Variants in SP6 observed in about 807,000 individuals in gnomAD.
The protein encoded by SP6 is Sp6 transcription factor.
Under a neutral mutation model 23.4 loss-of-function variants are expected in SP6, and 10 were observed. The ratio of observed to expected loss-of-function variants is 0.43; its 90% confidence interval spans 0.26 to 0.72. The LOEUF (loss-of-function observed/expected upper bound fraction) is 0.72, where lower values mean the gene tolerates loss of function less well. Among genes scored for constraint, SP6 ranks in the 30% least tolerant of loss-of-function variants. The pLI, the probability that SP6 is intolerant of heterozygous loss-of-function variation, is 0.23. For missense variants in SP6, 482 were observed against 523.8 expected (o/e 0.92, Z 0.78); for synonymous variants, 238 against 238.7 (o/e 1.00, Z 0.03).
At chr17:47,874,631 C>T in the SP6 span, among the ~76,000 whole-genome samples, 1 of 152,162 alleles carries the variant, frequency 6.6e-6, no homozygotes, top group Non-Finnish European at 1.5e-5. Context: ...TTCTCTCCAT[C>T]TAGGAAGGGC....
At chr17:47,866,056 C>G in the SP6 span, among the ~76,000 whole-genome samples, 94 of 152,216 alleles carry the variant, frequency 6.2e-4, 2 homozygotes, top group East Asian at 0.015. Flanking sequence ...TCATCATCTC[C>G]CCTGATAATT....
the SP6 span, among the ~76,000 whole-genome samples, chr17:47,861,125 A>C: frequency 1.3e-5 from 2 of 151,986 alleles, no homozygotes; most frequent in African/African-American, 2.4e-5. Context: ...TCCCCTTTTT[A>C]ATTTGCTTCC....
chr17:47,847,587 G>T lies in SP6; in HGVS notation c.843C>A (p.Asp281Glu). Residue 281 changes from aspartate to glutamate, a missense_variant, in exon 2 of 2, where the codon GAC becomes GAA. Transcript: ENST00000536300. ...AGAGCCAGTTGCACACGAAGGGACG[G>T]TCGCCGCTGTGCCAGCGCAGGTGCG... ...LKAHLRWHSG[D>E]RPFVCNWLFC... 2.5e-6 allele frequency: 4 copies of T among 1,613,660 alleles called. No homozygotes were observed. Among genetic ancestry groups the T allele is most frequent in the Non-Finnish European group, 3.4e-6 (4 of 1,179,964 alleles).
upstream of SP6, among the ~76,000 whole-genome samples, chr17:47,855,182 T>C (rs921882567): frequency 6.6e-6 from 1 of 152,190 alleles, no homozygotes; most frequent in Non-Finnish European, 1.5e-5. Context: ...ATAGTGCATC[T>C]GTATGTCGGT....
the SP6 span, among the ~76,000 whole-genome samples, chr17:47,873,101 GAATTCACAC>G: frequency 3.9e-5 from 6 of 152,160 alleles, no homozygotes; most frequent in African/African-American, 1.4e-4. Context: ...CCTAGACCTG[GAATTCACAC>G]AATTGCTATG....
chr17:47,860,710 A>C (rs1435797489), upstream of SP6, among the ~76,000 whole-genome samples: 1 of 146,338 alleles, frequency 6.8e-6, no homozygotes. Context: ...CAAAAAAAAA[A>C]AAAAAGTTAA....
the SP6 span, among the ~76,000 whole-genome samples, chr17:47,868,235 C>G: frequency 6.6e-6 from 1 of 152,232 alleles, no homozygotes; most frequent in Non-Finnish European, 1.5e-5. Context: ...CTCACACACT[C>G]TCCACTCCCA....
At chr17:47,871,316 G>C in the SP6 span, among the ~76,000 whole-genome samples, 1 of 152,208 alleles carries the variant, frequency 6.6e-6, no homozygotes, top group Non-Finnish European at 1.5e-5. Context: ...ATATGTGACT[G>C]TCTGTTCATA....
chr17:47,847,949 G>C lies in SP6; in HGVS notation c.481C>G (p.Leu161Val), dbSNP rs921730284. The change falls in exon 2 of 2, where the codon CTT (leucine) becomes GTT (valine). Residue 161 changes from leucine (L) to valine (V), a missense_variant. Coordinates refer to ENST00000536300, the MANE Select transcript of SP6 (RefSeq NM_001258248.2). ...GLGGYVGDHQ[L>V]CAPPPHPHAH... is the part of the protein sequence containing the mutation. ...TGCGGGTGGGGTGGCGGGGCACAAA[G>C]CTGGTGGTCTCCGACGTAGCCCCCC... 6.4e-7 allele frequency: 1 copy of C among 1,571,778 alleles called. No homozygotes were observed. Among genetic ancestry groups the C allele is most frequent in the South Asian group, 1.2e-5 (1 of 86,584 alleles).
rs904768384 is a variant in SP6, at chr17:47,848,355, G to A, written c.75C>T (p.Asp25=). Residue 25 remains aspartate, a synonymous_variant, in exon 2 of 2, where the codon GAC becomes GAT. Transcript: ENST00000536300. This position sits in a 1 kb window ranked among gnomAD's most constrained non-coding sequence, Gnocchi z 5.3. ...CCTGGTAAGTTTGGAGAGGCTGCAG[G>A]TCGAGGCGCGGCGGGGAGGCGTGCG... is the stretch of plus-strand genomic sequence containing the variant. ...EAPHASPPRL[D]LQPLQTYQGH... is the part of the protein sequence containing the mutation. 4.4e-6 allele frequency: 7 copies of A among 1,598,296 alleles called. No individual in the cohort carries two copies. The highest frequency in any genetic ancestry group is 1.8e-4 in the Middle Eastern group (1 of 5,528).
rs1457217806 is a variant in SP6 at position 47,848,563 on chromosome 17, G to C, written c.-57-77C>G. 1.3e-6 allele frequency: 1 copy of C among 787,814 alleles called. No homozygotes were observed. The highest frequency in any genetic ancestry group is 1.8e-5 in the African/African-American group (1 of 56,816). 48.8% of individuals were successfully genotyped at this position (787,814 alleles called of 1,614,324 possible). A position where few individuals can be genotyped will look rare whatever the true frequency, so the allele number is the denominator to read the frequency against. On this transcript the variant is annotated intron_variant, in intron 1 of 1. Coordinates refer to ENST00000536300, the MANE Select transcript of SP6 (RefSeq NM_001258248.2). This position sits in a 1 kb window ranked among gnomAD's most constrained non-coding sequence, Gnocchi z 5.3. The stretch of plus-strand genomic sequence containing the variant: ...CCTCCTAACCCAGGTCCTCCTCTCT[G>C]GCCCCAGGTGTAAAAGAAGGATGCA...
chr17:47,869,079 G>A, the SP6 span, among the ~76,000 whole-genome samples: 1 of 152,314 alleles, frequency 6.6e-6, no homozygotes, highest in East Asian at 1.9e-4. Context: ...TCTTGGCCCT[G>A]GGCTCCCTGC....
At chr17:47,849,565 A>G (rs2033934393) in intron 1 of SP6, among the ~76,000 whole-genome samples, 1 of 152,174 alleles carries the variant, frequency 6.6e-6, no homozygotes, top group African/African-American at 2.4e-5. Flanking sequence ...GTTGAGAACC[A>G]CTGCTCCAGG....
chr17:47,862,026 C>G, the SP6 span, among the ~76,000 whole-genome samples: 2 of 142,236 alleles, frequency 1.4e-5, no homozygotes, highest in East Asian at 4.1e-4. Context: ...GCCTGGGAGA[C>G]AGAATGAGAC....
At position 47,850,462 on chromosome 17, in the gene SP6, C is replaced by A. The variant is rs1455913158; in HGVS notation, c.-58+457G>T. Among the ~76,000 whole-genome samples, 3 of 152,134 alleles carry A rather than the reference C, an allele frequency of 2.0e-5. No homozygotes were observed. In the East Asian group the frequency reaches 5.8e-4, roughly 29 times the overall value. ...CAACCCTTAGGTTGCCTCTATGGTC[C>A]TTGACCCACCTGCCCCAGAGCTGAG... On this transcript the variant is annotated intron_variant, in intron 1 of 1. Transcript: ENST00000536300.
chr17:47,861,131 C>T, the SP6 span, among the ~76,000 whole-genome samples: 8 of 152,202 alleles, frequency 5.3e-5, no homozygotes, highest in Admixed American at 5.2e-4. Flanking sequence ...TTTTAATTTG[C>T]TTCCTGATTG....
At chr17:47,860,838 G>A (rs1255521981), upstream of SP6, among the ~76,000 whole-genome samples, 1 of 152,148 alleles carries the variant, frequency 6.6e-6, no homozygotes, top group Non-Finnish European at 1.5e-5. Flanking sequence ...CTTTCACCCT[G>A]ACACTGTGCC....
At chr17:47,871,489 G>C in the SP6 span, among the ~76,000 whole-genome samples, 1 of 152,118 alleles carries the variant, frequency 6.6e-6, no homozygotes, top group African/African-American at 2.4e-5. Flanking sequence ...GTTTGTTCTA[G>C]GTCTTCTTTC....
At chr17:47,871,859 A>T in the SP6 span, among the ~76,000 whole-genome samples, 1 of 152,062 alleles carries the variant, frequency 6.6e-6, no homozygotes, top group Non-Finnish European at 1.5e-5. Flanking sequence ...GAGCTCAGGC[A>T]ATCCACCTGC....
Sources: allele counts gnomAD v4.1 joint callset (sites outside exome capture counted in the v4.1 genomes callset), GRCh38; gene constraint gnomAD v4.1.1; non-coding constraint Gnocchi (gnomAD v3.1); transcripts MANE v1.5; gene names NCBI Gene and HGNC (gene_info 2026-07-23, HGNC 2026-07-21).